TOPAZ1: variants seen among roughly 807,000 people sequenced by gnomAD.
TOPAZ1 encodes the protein protein TOPAZ1.
In TOPAZ1, 66 loss-of-function variants were observed where a neutral mutation model predicts 172.2. The observed-to-expected ratio is 0.38, with a 90% confidence interval of 0.31 to 0.47. The LOEUF (loss-of-function observed/expected upper bound fraction) is 0.47, where lower values mean the gene tolerates loss of function less well. Ranked by LOEUF, TOPAZ1 falls within the 20% of genes least tolerant of loss-of-function variation. TOPAZ1 has a pLI of 0.99. For missense variants in TOPAZ1, 1,822 were observed against 1,972.4 expected (o/e 0.92, Z 1.44); for synonymous variants, 681 against 683.9 (o/e 1.00, Z 0.07).
chr3:44,295,498 C>G (rs189634739), intron 12 of TOPAZ1, among the ~76,000 whole-genome samples: 46 of 152,122 alleles, frequency 3.0e-4, no homozygotes, highest in Middle Eastern at 3.4e-3. Context: ...CTATATGCCC[C>G]TGACAAGAAA....
intron 8 of TOPAZ1, among the ~76,000 whole-genome samples, chr3:44,279,240 A>G (rs920653547): frequency 2.0e-5 from 3 of 152,128 alleles, no homozygotes; most frequent in Non-Finnish European, 4.4e-5. Context: ...TTGTATTCTA[A>G]CATATGGTCT....
At chr3:44,306,486 A>G in intron 15 of TOPAZ1, 60 bp downstream of exon 15, 2 of 997,388 alleles carry the variant, frequency 2.0e-6, no homozygotes, top group East Asian at 2.6e-5. Context: ...AAAATTATGA[A>G]CAGAATATAA....
At chr3:44,289,039 TAA>T (rs1443982062) in intron 11 of TOPAZ1, among the ~76,000 whole-genome samples, 3 of 152,242 alleles carry the variant, frequency 2.0e-5, no homozygotes, top group African/African-American at 7.2e-5. Context: ...TGAGAAAAGA[TAA>T]TTAACATTTT....
intron 8 of TOPAZ1, among the ~76,000 whole-genome samples, chr3:44,279,502 G>C (rs1009455400): frequency 6.6e-6 from 1 of 152,096 alleles, no homozygotes; most frequent in African/African-American, 2.4e-5. Context: ...GTGCTGCATT[G>C]ATAGATGCAT....
At chr3:44,269,341 C>T in intron 7 of TOPAZ1, 40 bp downstream of exon 7, 1 of 1,133,820 alleles carries the variant, frequency 8.8e-7, no homozygotes, top group African/African-American at 1.5e-5. Context: ...CTGTCTCTTT[C>T]TCCTCCCCCT....
chr3:44,307,300 G>A (rs977838610), intron 15 of TOPAZ1, among the ~76,000 whole-genome samples: 15 of 152,086 alleles, frequency 9.9e-5, no homozygotes, highest in Non-Finnish European at 2.1e-4. Flanking sequence ...GGGATTACAG[G>A]TGTGAGCCAC....
intron 8 of TOPAZ1, 58 bp from the exon 9 acceptor site, chr3:44,281,910 T>C: frequency 9.4e-7 from 1 of 1,064,160 alleles, no homozygotes; most frequent in Non-Finnish European, 1.4e-6. Flanking sequence ...TTGAAATGTG[T>C]ATAGTTCTTA....
chr3:44,290,913 C>A, intron 12 of TOPAZ1, 27 bp downstream of exon 12: 1 of 1,412,924 alleles, frequency 7.1e-7, no homozygotes, highest in Non-Finnish European at 9.7e-7. Flanking sequence ...TTATTTAAGC[C>A]AAAATATATG....
chr3:44,293,572 A>T (rs1026405454), intron 12 of TOPAZ1, among the ~76,000 whole-genome samples: 7 of 152,336 alleles, frequency 4.6e-5, no homozygotes, highest in African/African-American at 1.4e-4. Context: ...AATAGAAAAA[A>T]GTTTATAGAA....
At chr3:44,297,787 C>G (rs1347540110) in intron 12 of TOPAZ1, among the ~76,000 whole-genome samples, 1 of 151,420 alleles carries the variant, frequency 6.6e-6, no homozygotes, top group East Asian at 1.9e-4. Flanking sequence ...AGGAGTGCAG[C>G]AAGGTTGCAG....
intron 9 of TOPAZ1, among the ~76,000 whole-genome samples, chr3:44,282,889 A>G (rs1196226188): frequency 9.2e-5 from 14 of 152,226 alleles, no homozygotes; most frequent in Admixed American, 8.5e-4. Context: ...TAATATAACT[A>G]TAACAAAGAA....
intron 5 of TOPAZ1, among the ~76,000 whole-genome samples, chr3:44,265,012 G>A (rs1699814703): frequency 6.6e-6 from 1 of 152,170 alleles, no homozygotes; most frequent in Non-Finnish European, 1.5e-5. Flanking sequence ...ATCTATGAGG[G>A]TTGGAATCAA....
chr3:44,291,308 TA>T (rs11459668), intron 12 of TOPAZ1, among the ~76,000 whole-genome samples: 237 of 142,410 alleles, frequency 1.7e-3, no homozygotes, highest in Non-Finnish European at 1.8e-3. Flanking sequence ...CAAAGACCTT[TA>T]AAAAAAAAAA....
intron 16 of TOPAZ1, among the ~76,000 whole-genome samples, chr3:44,319,191 G>C (rs1192044904): frequency 6.6e-6 from 1 of 152,086 alleles, no homozygotes; most frequent in Non-Finnish European, 1.5e-5. Flanking sequence ...ACAGACCGTT[G>C]GTTGATTGGC....
intron 4 of TOPAZ1, among the ~76,000 whole-genome samples, chr3:44,257,355 GTGTGTGTGTGTGTGTGTGT>G (rs1699720233): frequency 5.1e-4 from 15 of 29,608 alleles, no homozygotes; most frequent in African/African-American, 1.2e-3. Context: ...ACATAGGGGT[GTGTGTGTGTGTGTGTGTGT>G]GTGTGTGTGT....
intron 4 of TOPAZ1, among the ~76,000 whole-genome samples, chr3:44,257,531 CT>C (rs1162969797): frequency 1.4e-5 from 2 of 143,684 alleles, no homozygotes; most frequent in Admixed American, 7.0e-5. Context: ...TTCCAGAGGC[CT>C]TTTCTTTTCT....
At position 44,278,241 on chromosome 3, in the gene TOPAZ1, G is replaced by A. The variant is rs115059392; in HGVS notation, c.3373-3727G>A. On this transcript the variant is annotated intron_variant, in intron 8 of 19. Coordinates refer to ENST00000309765, the MANE Select transcript of TOPAZ1 (RefSeq NM_001145030.2). ...CCTAGAATAAATCCCACTTGATCATGATGTATTTTTTTTATGTGCTGCTAG... is the reference window on the plus strand; with the variant it reads ...CCTAGAATAAATCCCACTTGATCATAATGTATTTTTTTTATGTGCTGCTAG... Among the ~76,000 whole-genome samples the A allele has an allele frequency of 9.1e-4, 138 of 152,234 alleles. 1 individual carries two copies. Among genetic ancestry groups the A allele is most frequent in the Non-Finnish European group, 1.5e-3 (105 of 68,022 alleles).
At chr3:44,253,626 A>G (rs80059382) in intron 2 of TOPAZ1, among the ~76,000 whole-genome samples, 1 of 152,338 alleles carries the variant, frequency 6.6e-6, no homozygotes, top group East Asian at 1.9e-4. Flanking sequence ...GAAATATTCT[A>G]GTAGATAGCT....
chr3:44,330,518 A>G (rs1256616517), intron 19 of TOPAZ1, among the ~76,000 whole-genome samples: 2 of 152,200 alleles, frequency 1.3e-5, no homozygotes, highest in Middle Eastern at 3.2e-3. Flanking sequence ...TGGCATCTGC[A>G]CCACCTACCA....
Sources: gnomAD v4.1 joint callset for allele counts (sites outside exome capture counted in the v4.1 genomes callset) on GRCh38, gnomAD v4.1.1 for gene constraint, MANE v1.5 for transcripts, NCBI Gene and HGNC (gene_info 2026-07-23, HGNC 2026-07-21) for gene names.